DSCAM: variants seen among roughly 807,000 people sequenced by gnomAD.
DSCAM encodes cell adhesion molecule DSCAM.
A neutral mutation model predicts 217.7 loss-of-function variants in DSCAM; 47 were observed. The ratio of observed to expected loss-of-function variants is 0.22; its 90% CI spans 0.17 to 0.28. DSCAM has a LOEUF of 0.28. Ranked by LOEUF, DSCAM falls within the 10% of genes least tolerant of loss-of-function variation. The pLI, the probability that DSCAM is intolerant of heterozygous loss-of-function variation, is 1.00. For synonymous variants in DSCAM, 1,056 were observed against 1,015.3 expected, an observed-to-expected ratio of 1.04 and a Z score of -0.76; for missense variants, 2,080 against 2,618.3, an observed-to-expected ratio of 0.79 and a Z score of 4.49.
At chr21:40,254,699 T>C (rs1462297326) in intron 11 of DSCAM, among the ~76,000 whole-genome samples, 1 of 152,144 alleles carries the variant, frequency 6.6e-6, no homozygotes, top group Admixed American at 6.5e-5. Flanking sequence ...TGCTTGCATC[T>C]GCATCCCAGC....
At chr21:40,637,831 C>G (rs1024173164) in intron 3 of DSCAM, among the ~76,000 whole-genome samples, 2 of 150,222 alleles carry the variant, frequency 1.3e-5, no homozygotes, top group African/African-American at 4.9e-5. Context: ...CACCACCACG[C>G]CTGGCTAATT....
At position 40,453,040 on chromosome 21, in the gene DSCAM, TTGTGTGTGTGTGTGTGTG is replaced by T. The variant is rs3069917; in HGVS notation, c.509-83813_509-83796del. Among the ~76,000 whole-genome samples the T allele has an allele frequency of 1.8e-3, 248 of 134,412 alleles. 2 individuals carry two copies. Among genetic ancestry groups the T allele is most frequent in the African/African-American group, 5.3e-3 (189 of 35,702 alleles). 88.2% of individuals were successfully genotyped at this position (134,412 alleles called of 152,430 possible). A position where few individuals can be genotyped will look rare whatever the true frequency, so the allele number is the denominator to read the frequency against. On this transcript the variant is annotated intron_variant, in intron 3 of 32. Coordinates refer to ENST00000400454, the MANE Select transcript of DSCAM (RefSeq NM_001389.5). ...CTCTGGTTCCTGAATTTTAAAGACT[TTGTGTGTGTGTGTGTGTG>T]TGTGTGTGTGTGTGTGTGTGTGTGT...
intron 27 of DSCAM, among the ~76,000 whole-genome samples, chr21:40,068,733 T>A (rs1393807010): frequency 1.3e-5 from 2 of 152,190 alleles, no homozygotes; most frequent in African/African-American, 4.8e-5. Flanking sequence ...TAGCTCTGCC[T>A]GGACTCATAT....
intron 3 of DSCAM, among the ~76,000 whole-genome samples, chr21:40,512,052 T>C (rs1003977023): frequency 4.8e-5 from 7 of 146,524 alleles, no homozygotes; most frequent in African/African-American, 1.8e-4. Context: ...AACACTTGCA[T>C]GCAAAAAGCT....
intron 20 of DSCAM, among the ~76,000 whole-genome samples, chr21:40,106,157 G>C (rs143501275): frequency 6.6e-6 from 1 of 152,200 alleles, no homozygotes; most frequent in African/African-American, 2.4e-5. Flanking sequence ...GGTGTGCAGG[G>C]GAACTGCTCT....
intron 11 of DSCAM, among the ~76,000 whole-genome samples, chr21:40,255,566 C>A (rs542458992): frequency 6.6e-6 from 1 of 152,300 alleles, no homozygotes; most frequent in South Asian, 2.1e-4. Flanking sequence ...ATCCTAAATT[C>A]TCTGGGTGGG....
intron 3 of DSCAM, among the ~76,000 whole-genome samples, chr21:40,381,181 CT>C (rs1158367163): frequency 2.6e-5 from 4 of 152,092 alleles, no homozygotes; most frequent in African/African-American, 9.7e-5. Context: ...GTGAAGAGCC[CT>C]GAACAGGTGA....
At chr21:40,414,340 T>A (rs926629526) in intron 3 of DSCAM, among the ~76,000 whole-genome samples, 2 of 152,160 alleles carry the variant, frequency 1.3e-5, no homozygotes, top group African/African-American at 4.8e-5. Flanking sequence ...AACAGATACT[T>A]AGTGAAAGGA....
intron 1 of DSCAM, among the ~76,000 whole-genome samples, chr21:40,841,671 G>A (rs908560602): frequency 7.9e-5 from 12 of 152,164 alleles, no homozygotes; most frequent in African/African-American, 4.8e-5. Context: ...AGCAGGAGAA[G>A]CGGCGGCTCC....
At chr21:40,035,736 G>C (rs199921108) in intron 32 of DSCAM, among the ~76,000 whole-genome samples, 3,037 of 143,484 alleles carry the variant, frequency 0.021, 122 homozygotes, top group African/African-American at 0.068. Flanking sequence ...CACACCACAC[G>C]TATTCCAAAA....
chr21:40,837,848 G>A (rs2092069217), intron 1 of DSCAM, among the ~76,000 whole-genome samples: 1 of 152,148 alleles, frequency 6.6e-6, no homozygotes, highest in South Asian at 2.1e-4. Flanking sequence ...AAGTCTCACA[G>A]GTAATATTCC....
chr21:40,607,774 C>T (rs2089261223), intron 3 of DSCAM, among the ~76,000 whole-genome samples: 1 of 152,172 alleles, frequency 6.6e-6, no homozygotes, highest in South Asian at 2.1e-4. Context: ...CCTCCCCAGC[C>T]ACGTGGAACT....
intron 1 of DSCAM, among the ~76,000 whole-genome samples, chr21:40,736,359 C>G (rs2146534318): frequency 6.6e-6 from 1 of 152,268 alleles, no homozygotes; most frequent in Non-Finnish European, 1.5e-5. Flanking sequence ...CTTCCAGCTC[C>G]TCTTCTCTCT....
intron 29 of DSCAM, among the ~76,000 whole-genome samples, chr21:40,053,198 T>C (rs1270243106): frequency 6.6e-6 from 1 of 152,284 alleles, no homozygotes; most frequent in Non-Finnish European, 1.5e-5. Flanking sequence ...AAGGAAAGCC[T>C]CTCAAAGTTA....
chr21:40,088,328 G>C (rs1475904865), intron 21 of DSCAM, among the ~76,000 whole-genome samples: 1 of 152,142 alleles, frequency 6.6e-6, no homozygotes, highest in African/African-American at 2.4e-5. Flanking sequence ...TTGAGGGTTT[G>C]CATTGGCAAA....
At chr21:40,461,261 T>C (rs2145948724) in intron 3 of DSCAM, among the ~76,000 whole-genome samples, 1 of 152,328 alleles carries the variant, frequency 6.6e-6, no homozygotes, top group East Asian at 1.9e-4. Flanking sequence ...TGTTTGCCTA[T>C]GAAATGAGGA....
chr21:40,770,946 G>A (rs1156440817), intron 1 of DSCAM, among the ~76,000 whole-genome samples: 1 of 152,230 alleles, frequency 6.6e-6, no homozygotes, highest in Non-Finnish European at 1.5e-5. Flanking sequence ...GAAGTTGGCA[G>A]TCTTTTCTTC....
chr21:40,542,499 G>C (rs952407690), intron 3 of DSCAM, among the ~76,000 whole-genome samples: 1 of 152,208 alleles, frequency 6.6e-6, no homozygotes, highest in Admixed American at 6.5e-5. Context: ...AGGTAGTGAG[G>C]TCGTGAGGGT....
intron 1 of DSCAM, among the ~76,000 whole-genome samples, chr21:40,785,176 T>G (rs973397813): frequency 3.9e-5 from 6 of 152,194 alleles, no homozygotes; most frequent in Non-Finnish European, 5.9e-5. Context: ...TTGGTGAGAT[T>G]TAAAGCTATG....
Sources: allele counts gnomAD v4.1 joint callset (sites outside exome capture counted in the v4.1 genomes callset), GRCh38; gene constraint gnomAD v4.1.1; transcripts MANE v1.5; gene names NCBI Gene and HGNC (gene_info 2026-07-23, HGNC 2026-07-21).